The following CORO2B variants were observed in gnomAD, a reference collection of about 807,000 sequenced individuals.
CORO2B encodes the protein coronin 2B.
In CORO2B, 26 loss-of-function variants were observed where a neutral mutation model predicts 58.8. That is an observed-to-expected ratio of 0.44 (90% confidence interval 0.32 to 0.61). CORO2B has a LOEUF of 0.61. Among genes scored for constraint, CORO2B ranks in the 20% least tolerant of loss-of-function variants. The pLI is 0.04. For missense variants in CORO2B, 460 were observed against 645.1 expected (o/e 0.71, Z 3.11); for synonymous variants, 242 against 253.8 (o/e 0.95, Z 0.44).
intron 1 of CORO2B, among the ~76,000 whole-genome samples, chr15:68,620,400 G>T (rs940540866): frequency 3.9e-5 from 6 of 152,162 alleles, no homozygotes; most frequent in African/African-American, 1.4e-4. Context: ...AGAACATGTT[G>T]GCAGTGATAC....
At chr15:68,531,538 AGGAAGGAAGGAAGGAAGGAAAGAAAG>A in the CORO2B span, among the ~76,000 whole-genome samples, 27 of 133,118 alleles carry the variant, frequency 2.0e-4, no homozygotes, top group Non-Finnish European at 2.8e-4. Flanking sequence ...GAAGGAAGGA[AGGAAGGAAGGAAGGAAGGAAAGAAAG>A]AGAAAGAAAG....
chr15:68,688,853 A>G (rs1328210761), intron 2 of CORO2B, among the ~76,000 whole-genome samples: 1 of 152,086 alleles, frequency 6.6e-6, no homozygotes, highest in Non-Finnish European at 1.5e-5. Flanking sequence ...AGTGTTGGAG[A>G]GGTTCTGTCA....
At chr15:68,537,007 A>T in the CORO2B span, among the ~76,000 whole-genome samples, 1 of 152,162 alleles carries the variant, frequency 6.6e-6, no homozygotes, top group African/African-American at 2.4e-5. Context: ...CCCCAAACCT[A>T]CCTGATGTGA....
At chr15:68,686,038 CTT>C (rs1236025227) in intron 2 of CORO2B, among the ~76,000 whole-genome samples, 2 of 68,356 alleles carry the variant, frequency 2.9e-5, no homozygotes, top group Non-Finnish European at 6.4e-5. Context: ...TTTTTTTTTT[CTT>C]TTTTTTTTTT....
At chr15:68,714,101 C>A in intron 6 of CORO2B, 60 bp downstream of exon 6, 2 of 1,120,730 alleles carry the variant, frequency 1.8e-6, no homozygotes, top group Non-Finnish European at 2.7e-6. Context: ...CCTCGGAGGT[C>A]ACTTCCTCAG....
At chr15:68,543,841 C>T in the CORO2B span, among the ~76,000 whole-genome samples, 1 of 152,128 alleles carries the variant, frequency 6.6e-6, no homozygotes, top group African/African-American at 2.4e-5. Flanking sequence ...GCGGTGACTG[C>T]CAAACTGGGC....
chr15:68,578,708 C>T (rs1424974783), upstream of CORO2B, among the ~76,000 whole-genome samples: 1 of 152,104 alleles, frequency 6.6e-6, no homozygotes, highest in African/African-American at 2.4e-5. This position sits in a 1 kb window ranked among gnomAD's most constrained non-coding sequence, Gnocchi z 4.2. Context: ...CCCGAGAGCC[C>T]GGGGCGCCGC....
chr15:68,518,891 C>T, the CORO2B span, among the ~76,000 whole-genome samples: 6 of 152,174 alleles, frequency 3.9e-5, no homozygotes, highest in Non-Finnish European at 5.9e-5. Flanking sequence ...TGGTTCAGCA[C>T]CCTGGAAGAC....
At chr15:68,663,118 TC>T (rs1287460192) in intron 2 of CORO2B, among the ~76,000 whole-genome samples, 1 of 152,226 alleles carries the variant, frequency 6.6e-6, no homozygotes, top group African/African-American at 2.4e-5. Flanking sequence ...CAGAGGTCAA[TC>T]TTTTTTACAC....
At chr15:68,693,598 T>C (rs1331880399) in intron 2 of CORO2B, among the ~76,000 whole-genome samples, 3 of 152,282 alleles carry the variant, frequency 2.0e-5, no homozygotes, top group African/African-American at 7.2e-5. Context: ...CCCTCCCTTC[T>C]CTGCCACCTT....
rs774274841 is a variant in CORO2B at position 68,710,721 on chromosome 15, T to C, written c.334-11T>C. ...TGTCCACCCAGCCTGGACCCTCATC[T>C]CCCTCTGCAGGTGCGGATCTGGGAG... On this transcript the variant is annotated splice_polypyrimidine_tract_variant and intron_variant, in intron 3 of 11. Transcript: ENST00000261861. This position sits in a 1 kb window ranked among gnomAD's most constrained non-coding sequence, Gnocchi z 4.1. 3.8e-6 allele frequency: 6 copies of C among 1,588,090 alleles called. No individual in the cohort carries two copies. In the South Asian group the frequency reaches 6.9e-5, roughly 18 times the overall value.
intron 1 of CORO2B, among the ~76,000 whole-genome samples, chr15:68,621,988 A>G (rs1900536655): frequency 6.6e-6 from 1 of 151,500 alleles, no homozygotes; most frequent in Admixed American, 6.6e-5. Flanking sequence ...CTGGTATCAA[A>G]CTCCTGGGCT....
the CORO2B span, among the ~76,000 whole-genome samples, chr15:68,558,070 T>A: frequency 6.7e-6 from 1 of 149,624 alleles, no homozygotes; most frequent in East Asian, 2.0e-4. Context: ...AGCCTGGCAG[T>A]GGAATGGCAG....
chr15:68,610,708 G>A (rs1009696174), intron 1 of CORO2B, among the ~76,000 whole-genome samples: 8 of 147,226 alleles, frequency 5.4e-5, no homozygotes, highest in African/African-American at 1.0e-4. Context: ...TTCTCACCTT[G>A]CAGAGTAGGG....
At chr15:68,685,155 C>T (rs1902921518) in intron 2 of CORO2B, among the ~76,000 whole-genome samples, 1 of 152,214 alleles carries the variant, frequency 6.6e-6, no homozygotes, top group African/African-American at 2.4e-5. Flanking sequence ...TTCTGTCTTC[C>T]TATTTGCTTT....
chr15:68,534,990 T>C, the CORO2B span, among the ~76,000 whole-genome samples: 7 of 152,158 alleles, frequency 4.6e-5, no homozygotes, highest in Non-Finnish European at 7.3e-5. Context: ...GTCCCCATGA[T>C]TCAGTTATCT....
chr15:68,545,007 C>G, the CORO2B span, among the ~76,000 whole-genome samples: 1 of 152,168 alleles, frequency 6.6e-6, no homozygotes, highest in South Asian at 2.1e-4. Flanking sequence ...GATCTCCTGA[C>G]CTCGTGATCC....
At chr15:68,529,539 GTGT>G in the CORO2B span, among the ~76,000 whole-genome samples, 6 of 152,138 alleles carry the variant, frequency 3.9e-5, no homozygotes, top group Middle Eastern at 6.8e-3. Flanking sequence ...TTCCCTTACT[GTGT>G]TGTTATTATC....
At chr15:68,666,735 T>C (rs1212573877) in intron 2 of CORO2B, among the ~76,000 whole-genome samples, 1 of 152,170 alleles carries the variant, frequency 6.6e-6, no homozygotes, top group Non-Finnish European at 1.5e-5. Context: ...GTTTTGTGCC[T>C]CTCTAAGCCC....
Sources: allele counts gnomAD v4.1 joint callset (sites outside exome capture counted in the v4.1 genomes callset), GRCh38; gene constraint gnomAD v4.1.1; non-coding constraint Gnocchi (gnomAD v3.1); transcripts MANE v1.5; gene names NCBI Gene and HGNC (gene_info 2026-07-23, HGNC 2026-07-21).